Variants in CNKSR3 observed in about 807,000 individuals in gnomAD.
The protein encoded by CNKSR3 is connector enhancer of kinase suppressor of ras 3.
A neutral mutation model predicts 67.7 loss-of-function variants in CNKSR3; 36 were observed. That is an observed-to-expected ratio of 0.53 (90% confidence interval 0.41 to 0.70). The LOEUF (loss-of-function observed/expected upper bound fraction) is 0.70, where lower values mean the gene tolerates loss of function less well. Among genes scored for constraint, CNKSR3 ranks in the 30% least tolerant of loss-of-function variants. CNKSR3 has a pLI of 0.00. For synonymous variants in CNKSR3, 281 were observed against 271.4 expected (o/e 1.04, Z -0.35); for missense variants, 630 against 695.2 (o/e 0.91, Z 1.05).
In CNKSR3 at chr6:154,442,285, A is replaced by G. The variant is rs759254150; in HGVS notation, c.222T>C (p.Tyr74=). 2 of 1,612,790 alleles carry G rather than the reference A, an allele frequency of 1.2e-6. No individual in the cohort carries two copies. Among genetic ancestry groups the G allele is most frequent in the Non-Finnish European group, 1.7e-6 (2 of 1,178,826 alleles). The part of the protein sequence containing the change: ...EAVDLLCALN[Y]GLETDNMKNL... ...TCTTCATGTTATCAGTTTCGAGGCC[A>G]TAATTCTGTGGAAAATAAAATCAAA... The change falls in exon 3 of 13, where the codon TAT becomes TAC. Residue 74 remains tyrosine, a synonymous_variant. Transcript: ENST00000607772.
At chr6:154,504,348 A>G (rs1787055626) in intron 1 of CNKSR3, among the ~76,000 whole-genome samples, 1 of 152,254 alleles carries the variant, frequency 6.6e-6, no homozygotes, top group Admixed American at 6.5e-5. Context: ...CTGGATGATA[A>G]GAATACACCT....
intron 9 of CNKSR3, among the ~76,000 whole-genome samples, chr6:154,415,218 C>T (rs1784997170): frequency 8.0e-6 from 1 of 124,992 alleles, no homozygotes; most frequent in Admixed American, 8.2e-5. Context: ...GCTAGACTTA[C>T]TAGCTGCCCA....
chr6:154,463,513 G>A (rs79807888), intron 1 of CNKSR3, among the ~76,000 whole-genome samples: 1,669 of 152,238 alleles, frequency 0.011, 15 homozygotes, highest in Non-Finnish European at 0.015. Flanking sequence ...AGAATCCTTC[G>A]AGTTCTTCAA....
At chr6:154,463,271 G>A (rs1039233634) in intron 1 of CNKSR3, among the ~76,000 whole-genome samples, 13 of 151,832 alleles carry the variant, frequency 8.6e-5, no homozygotes, top group African/African-American at 2.2e-4. Flanking sequence ...GGTTTTCACC[G>A]TGTTAGCCAG....
intron 1 of CNKSR3, among the ~76,000 whole-genome samples, chr6:154,468,080 C>CT (rs71021055): frequency 0.76 from 81,735 of 107,524 alleles, 32,307 homozygotes; most frequent in East Asian, 0.85. Flanking sequence ...TCTTTTTTTT[C>CT]TTTTTTTTTT....
At chr6:154,426,036 T>G (rs1181534072) in intron 7 of CNKSR3, among the ~76,000 whole-genome samples, 1 of 152,226 alleles carries the variant, frequency 6.6e-6, no homozygotes, top group African/African-American at 2.4e-5. Context: ...GACTTAGACT[T>G]ACTTAGCCTA....
rs34458416 is a variant in CNKSR3 at position 154,479,217 on chromosome 6, G to GA, written c.53-28960dup. ...TCCCAATAAAGGAGATGGATTCAGAGAAAAAAAAAAAAAATATTCTTTCAG... is the reference window on the plus strand; with the variant it reads ...TCCCAATAAAGGAGATGGATTCAGAGAAAAAAAAAAAAAAATATTCTTTCAG... On this transcript the variant is annotated intron_variant, in intron 1 of 12. Transcript: ENST00000607772. Among the ~76,000 whole-genome samples, 715 of 101,334 alleles carry GA rather than the reference G, an allele frequency of 7.1e-3. 6 individuals are homozygous for GA. The highest frequency in any genetic ancestry group is 0.018 in the African/African-American group (549 of 29,944). 66.5% of individuals were successfully genotyped at this position (101,334 alleles called of 152,430 possible).
Position 154,428,178 on chromosome 6 carries a change from T to C in CNKSR3, c.679A>G (p.Ile227Val), listed in dbSNP as rs1785292292. ...IKPGEGLGMY[I>V]KSTYDGLHVI... ...TGTAACCCATCATAGGTTGATTTGATGTACATGCCCTGGAGTGAATCACAA... is the reference window on the plus strand; with the variant it reads ...TGTAACCCATCATAGGTTGATTTGACGTACATGCCCTGGAGTGAATCACAA... Residue 227 changes from isoleucine (I) to valine (V), a missense_variant, in exon 7 of 13, where the codon ATC (isoleucine) becomes GTC (valine). This residue lies in a region of CNKSR3 where 133 missense variants were observed against 190.6 expected (regional missense o/e 0.70). Transcript: ENST00000607772. The C allele has an allele frequency of 1.2e-6, 2 of 1,608,232 alleles. No homozygotes were observed. Among genetic ancestry groups the C allele is most frequent in the Admixed American group, 1.7e-5 (1 of 59,994 alleles).
intron 1 of CNKSR3, among the ~76,000 whole-genome samples, chr6:154,489,811 C>T (rs1786751096): frequency 6.6e-6 from 1 of 152,120 alleles, no homozygotes; most frequent in African/African-American, 2.4e-5. Context: ...AGTCTCTGAA[C>T]ATATAAAGAC....
intron 4 of CNKSR3, among the ~76,000 whole-genome samples, chr6:154,438,671 ACCT>A (rs1785522284): frequency 6.6e-6 from 1 of 152,140 alleles, no homozygotes; most frequent in South Asian, 2.1e-4. Flanking sequence ...CACTAGACTA[ACCT>A]CCCTCAGTGA....
rs781042760 is a variant in CNKSR3, at chr6:154,422,530, T to C, written c.921A>G (p.Leu307=). 11 of 1,614,166 alleles carry C rather than the reference T, an allele frequency of 6.8e-6. No homozygotes were observed. The highest frequency in any genetic ancestry group is 6.7e-5 in the Admixed American group (4 of 60,018). The change falls in exon 9 of 13, where the codon CTA becomes CTG. Residue 307 remains leucine (L), a synonymous_variant. Coordinates refer to ENST00000607772, the MANE Select transcript of CNKSR3 (RefSeq NM_173515.4). ...FNFTPAPLKN[L]RWKPPLVQTS... is the part of the protein sequence containing the mutation. ...CCTGTACAAGAGGTGGCTTCCACCG[T>C]AGGTTTTTCAGGGGAGCAGGAGTAA...
chr6:154,441,265 A>AGAAAGTG (rs1785577873), intron 4 of CNKSR3, 27 bp downstream of exon 4: 1 of 1,306,272 alleles, frequency 7.7e-7, no homozygotes, highest in South Asian at 1.4e-5. Flanking sequence ...AAAAAAAAAA[A>AGAAAGTG]GAAAGTGAAA....
rs991534606 is a variant in CNKSR3, at chr6:154,395,732, T to C, written c.*10622A>G. 5 of 152,268 alleles carry C rather than the reference T, an allele frequency of 3.3e-5. No individual in the cohort carries two copies. Among genetic ancestry groups the C allele is most frequent in the African/African-American group, 1.2e-4 (5 of 41,452 alleles). The allele number at this position is 152,268 out of a possible 1,614,324, so 9.4% of individuals were successfully genotyped here. On this transcript the variant is annotated 3_prime_UTR_variant, in exon 13 of 13. Coordinates refer to ENST00000607772, the MANE Select transcript of CNKSR3 (RefSeq NM_173515.4). ...CACTATTTAGTCTACAGCCTATATA[T>C]GCATGTACGTTTTGTTTGTTTGAGA...
chr6:154,499,562 T>C (rs555420279), intron 1 of CNKSR3, among the ~76,000 whole-genome samples: 2 of 152,328 alleles, frequency 1.3e-5, no homozygotes, highest in East Asian at 1.9e-4. Context: ...AAACGGTCTC[T>C]TGAAAAGCTT....
chr6:154,509,819 T>C (rs1787177812), intron 1 of CNKSR3, among the ~76,000 whole-genome samples: 1 of 151,890 alleles, frequency 6.6e-6, no homozygotes, highest in Non-Finnish European at 1.5e-5. Context: ...AGGCCACCCC[T>C]ACTCCCTGGT....
intron 1 of CNKSR3, among the ~76,000 whole-genome samples, chr6:154,458,396 G>A (rs1325392353): frequency 6.6e-6 from 1 of 152,050 alleles, no homozygotes; most frequent in Admixed American, 6.6e-5. Flanking sequence ...AATGTTTTAG[G>A]AGGTTCCTTA....
intron 12 of CNKSR3, among the ~76,000 whole-genome samples, chr6:154,407,505 CTTA>C: frequency 1.3e-5 from 2 of 152,216 alleles, no homozygotes; most frequent in East Asian, 3.9e-4. Flanking sequence ...TATTTTTATG[CTTA>C]TTTTTATTTT....
intron 1 of CNKSR3, among the ~76,000 whole-genome samples, chr6:154,467,980 G>A (rs773850883): frequency 3.3e-5 from 5 of 151,164 alleles, no homozygotes; most frequent in Non-Finnish European, 5.9e-5. Flanking sequence ...GGCTGGTCTC[G>A]AACTCCTGAC....
chr6:154,454,102 C>CAGAGAG (rs1357528671), intron 1 of CNKSR3, among the ~76,000 whole-genome samples: 273 of 115,236 alleles, frequency 2.4e-3, no homozygotes, highest in African/African-American at 8.8e-3. Context: ...CACACACACA[C>CAGAGAG]ACAGAGAGAG....
Sources: gnomAD v4.1 joint callset for allele counts (sites outside exome capture counted in the v4.1 genomes callset) on GRCh38, gnomAD v4.1.1 for gene constraint, gnomAD v4.1.1 regional missense constraint, MANE v1.5 for transcripts, NCBI Gene and HGNC (gene_info 2026-07-23, HGNC 2026-07-21) for gene names.